The following ZBTB46 variants were observed in gnomAD, a reference collection of about 807,000 sequenced individuals.
The protein encoded by ZBTB46 is zinc finger and BTB domain-containing protein 46.
A neutral mutation model predicts 44.1 loss-of-function variants in ZBTB46; 8 were observed. The observed-to-expected ratio is 0.18, with a 90% CI of 0.11 to 0.33. The LOEUF is 0.33. ZBTB46 is among the 10% of genes least tolerant of loss of function. The pLI is 1.00. For missense variants in ZBTB46, 651 were observed against 847.7 expected, an observed-to-expected ratio of 0.77 and a Z score of 2.88; for synonymous variants, 409 against 382.3, an observed-to-expected ratio of 1.07 and a Z score of -0.81.
rs2092059156 is a variant in ZBTB46 at position 63,743,773 on chromosome 20, G to A, written c.*3157C>T. 1 of 152,440 alleles carries A rather than the reference G, an allele frequency of 6.6e-6. No homozygotes were observed. Among genetic ancestry groups the A allele is most frequent in the Admixed American group, 6.5e-5 (1 of 15,288 alleles). The allele number at this position is 152,440 out of a possible 1,614,324, so 9.4% of individuals were successfully genotyped here. ...CGCACAGGCGCCTAGGCAGAAACTT[G>A]GAGACTCACCGCAGAGGCCACGTGA... is the stretch of plus-strand genomic sequence containing the variant. On this transcript the variant is annotated 3_prime_UTR_variant, in exon 5 of 5. Transcript: ENST00000245663.
At chr20:63,812,245 C>T (rs2092721550) in intron 1 of ZBTB46, among the ~76,000 whole-genome samples, 1 of 152,236 alleles carries the variant, frequency 6.6e-6, no homozygotes, top group African/African-American at 2.4e-5. Flanking sequence ...CAAGGAGGCT[C>T]AGGCCTGTGA....
chr20:63,783,469 G>C (rs536442321), intron 2 of ZBTB46, among the ~76,000 whole-genome samples: 17 of 152,206 alleles, frequency 1.1e-4, no homozygotes, highest in Non-Finnish European at 2.5e-4. Context: ...CCAGTGCCGA[G>C]TGCAGAATTT....
chr20:63,753,841 T>C (rs1485722376), intron 3 of ZBTB46, among the ~76,000 whole-genome samples: 2 of 152,264 alleles, frequency 1.3e-5, no homozygotes, highest in Non-Finnish European at 2.9e-5. Context: ...GTTTTCACCC[T>C]TGTGGACCCT....
chr20:63,781,928 A>G (rs2092473163), intron 2 of ZBTB46, among the ~76,000 whole-genome samples: 1 of 151,654 alleles, frequency 6.6e-6, no homozygotes, highest in Non-Finnish European at 1.5e-5. Context: ...TACTAAAAAT[A>G]CAAAAAAAAT....
In ZBTB46 at chr20:63,765,091, A is replaced by G. The variant is rs546181727; in HGVS notation, c.1222+10587T>C. 3.8e-5 allele frequency among the ~76,000 whole-genome samples: 5 copies of G among 131,936 alleles called. No homozygotes were observed. The South Asian group carries it at 1.3e-3, about 33-fold the overall frequency. The allele number at this position is 131,936 out of a possible 152,430, so 86.6% of individuals were successfully genotyped here. A position where few individuals can be genotyped will look rare whatever the true frequency, so the allele number is the denominator to read the frequency against. On this transcript the variant is annotated intron_variant, in intron 3 of 4. Transcript: ENST00000245663. The stretch of plus-strand genomic sequence containing the variant: ...TGCATGTGTGCGTGTGCATGTGTGC[A>G]TGTGTATGTGTGGTTGTGTGTGTGT...
upstream of ZBTB46, among the ~76,000 whole-genome samples, chr20:63,832,497 G>C (rs2092857223): frequency 6.6e-6 from 1 of 152,174 alleles, no homozygotes; most frequent in African/African-American, 2.4e-5. This position sits in a 1 kb window ranked among gnomAD's most constrained non-coding sequence, Gnocchi z 5.0. Context: ...TTTCAAATCT[G>C]GATGTGTGAG....
chr20:63,783,322 G>C (rs957947092), intron 2 of ZBTB46, among the ~76,000 whole-genome samples: 1 of 151,908 alleles, frequency 6.6e-6, no homozygotes, highest in Admixed American at 6.6e-5. Context: ...CCAGCTACTC[G>C]GGAGGCTGAG....
At chr20:63,801,770 C>CT (rs2092647738) in intron 1 of ZBTB46, among the ~76,000 whole-genome samples, 1 of 152,098 alleles carries the variant, frequency 6.6e-6, no homozygotes, top group African/African-American at 2.4e-5. Context: ...CCGCGAGAGT[C>CT]CATGGCTTCA....
Position 63,803,345 on chromosome 20 carries a change from G to A in ZBTB46, c.-33-12555C>T, listed in dbSNP as rs763450053. 9.1e-6 allele frequency: 9 copies of A among 985,298 alleles called. No individual in the cohort carries two copies. Among genetic ancestry groups the A allele is most frequent in the African/African-American group, 1.7e-5 (1 of 57,240 alleles). The allele number at this position is 985,298 out of a possible 1,614,324, so 61.0% of individuals were successfully genotyped here. On this transcript the variant is annotated intron_variant, in intron 1 of 4. Transcript: ENST00000245663. This position sits in a 1 kb window ranked among gnomAD's most constrained non-coding sequence, Gnocchi z 4.0. The stretch of plus-strand genomic sequence containing the variant: ...CATATACATCATATTACCATTGTTC[G>A]TGGTCGCATTTCAAAATTTTTAAGT...
Position 63,790,496 on chromosome 20 carries a change from C to T in ZBTB46, c.262G>A (p.Asp88Asn), listed in dbSNP as rs1336372975. Residue 88 changes from aspartate (D) to asparagine (N), a missense_variant, in exon 2 of 5, where the codon GAC becomes AAC. Physicochemically the swap from Asp to Asn is conservative, Grantham distance 23 (BLOSUM62 1). This residue lies in a region of ZBTB46 where 65 missense variants were observed against 167.9 expected (regional missense o/e 0.39). Transcript: ENST00000245663. ...GCCAGGTGCGCTGAGTACATGAAGT[C>T]GATGATGGCCTTGAAGCCCTGGGCC... ...VTAQGFKAII[D>N]FMYSAHLALT... 2 of 1,613,112 alleles carry T rather than the reference C, an allele frequency of 1.2e-6. No individual in the cohort carries two copies. Among genetic ancestry groups the T allele is most frequent in the African/African-American group, 1.3e-5 (1 of 75,036 alleles).
chr20:63,771,759 C>T (rs1171890798), intron 3 of ZBTB46, among the ~76,000 whole-genome samples: 1 of 152,334 alleles, frequency 6.6e-6, no homozygotes, highest in Non-Finnish European at 1.5e-5. Context: ...TGAGGGAGGA[C>T]CACAGAACTT....
chr20:63,832,559 C>G (rs2146125690), upstream of ZBTB46, among the ~76,000 whole-genome samples: 2 of 152,324 alleles, frequency 1.3e-5, no homozygotes, highest in South Asian at 4.1e-4. This position sits in a 1 kb window ranked among gnomAD's most constrained non-coding sequence, Gnocchi z 5.0. Flanking sequence ...CATGAGTGAG[C>G]AAAGGCGAAG....
chr20:63,758,394 G>T (rs2092243621), intron 3 of ZBTB46, among the ~76,000 whole-genome samples: 1 of 151,782 alleles, frequency 6.6e-6, no homozygotes. Context: ...ACCAAACAAG[G>T]CTCCGGCCTG....
rs759869998 is a variant in ZBTB46 at position 63,821,837 on chromosome 20, AAAC to A, written c.-34+9257_-34+9259del. Reference sequence around the variant, plus strand: ...GAAATGTTTCATTCACTTTGGAAAAAAACAACAGCCACTGTTTAGGAAGCACCG... The same window carrying A: ...GAAATGTTTCATTCACTTTGGAAAAAAACAGCCACTGTTTAGGAAGCACCG... On this transcript the variant is annotated intron_variant, in intron 1 of 4. Coordinates refer to ENST00000245663, the MANE Select transcript of ZBTB46 (RefSeq NM_001369741.1). 2.3e-4 allele frequency among the ~76,000 whole-genome samples: 35 copies of A among 152,316 alleles called. No homozygotes were observed. In the South Asian group the frequency reaches 5.8e-3, roughly 25 times the overall value.
intron 3 of ZBTB46, among the ~76,000 whole-genome samples, chr20:63,771,229 G>A (rs1464231460): frequency 6.6e-6 from 1 of 152,210 alleles, no homozygotes; most frequent in East Asian, 1.9e-4. Context: ...AGAGGAGCCG[G>A]CGGCCCCCGG....
intron 1 of ZBTB46, among the ~76,000 whole-genome samples, chr20:63,830,620 C>A (rs1312787026): frequency 6.7e-6 from 1 of 149,748 alleles, no homozygotes; most frequent in Non-Finnish European, 1.5e-5. Context: ...TGGGCTGTGC[C>A]GGCGGGGGGC....
At chr20:63,807,726 G>C (rs923280304) in intron 1 of ZBTB46, among the ~76,000 whole-genome samples, 1 of 152,188 alleles carries the variant, frequency 6.6e-6, no homozygotes, top group African/African-American at 2.4e-5. Flanking sequence ...GTTACTTTTT[G>C]CTTAAAAGCT....
chr20:63,795,036 G>A (rs989018146), intron 1 of ZBTB46, among the ~76,000 whole-genome samples: 2 of 152,178 alleles, frequency 1.3e-5, no homozygotes, highest in African/African-American at 4.8e-5. Flanking sequence ...CGGGCTGCAG[G>A]GACCAAGGGG....
intron 1 of ZBTB46, among the ~76,000 whole-genome samples, chr20:63,822,742 T>A (rs181015775): frequency 9.2e-5 from 14 of 152,230 alleles, no homozygotes; most frequent in Non-Finnish European, 1.9e-4. Context: ...GGCCAGGTGC[T>A]ATGGCTCACA....
Sources: allele counts gnomAD v4.1 joint callset (sites outside exome capture counted in the v4.1 genomes callset), GRCh38; gene constraint gnomAD v4.1.1; regional missense constraint gnomAD v4.1.1; non-coding constraint Gnocchi (gnomAD v3.1); transcripts MANE v1.5; gene names NCBI Gene and HGNC (gene_info 2026-07-23, HGNC 2026-07-21).